Variants in TNS3 observed in about 807,000 individuals in gnomAD.
TNS3 encodes tensin 3, also known as tensin-3.
A neutral mutation model predicts 140.9 loss-of-function variants in TNS3; 45 were observed. The observed-to-expected ratio is 0.32, with a 90% confidence interval of 0.25 to 0.41. The LOEUF (loss-of-function observed/expected upper bound fraction) is 0.41, where lower values mean the gene tolerates loss of function less well. Ranked by LOEUF, TNS3 falls within the 10% of genes least tolerant of loss-of-function variation. The pLI, the probability that TNS3 is intolerant of heterozygous loss-of-function variation, is 1.00. For missense variants in TNS3, 1,716 were observed against 1,906.7 expected, an observed-to-expected ratio of 0.90 and a Z score of 1.86; for synonymous variants, 815 against 788.4, an observed-to-expected ratio of 1.03 and a Z score of -0.56.
At chr7:47,569,080 T>C (rs755708711) in intron 1 of TNS3, among the ~76,000 whole-genome samples, 5 of 152,162 alleles carry the variant, frequency 3.3e-5, no homozygotes, top group Admixed American at 1.3e-4. Context: ...AACCCAAACA[T>C]CTCTCCAAAA....
intron 17 of TNS3, among the ~76,000 whole-genome samples, chr7:47,355,115 G>T (rs1165056944): frequency 6.6e-6 from 1 of 152,238 alleles, no homozygotes; most frequent in African/African-American, 2.4e-5. Context: ...CCGGCGTCAA[G>T]GACAGATAAG....
At chr7:47,572,767 G>T (rs1276291296) in intron 1 of TNS3, among the ~76,000 whole-genome samples, 1 of 152,070 alleles carries the variant, frequency 6.6e-6, no homozygotes, top group African/African-American at 2.4e-5. Context: ...TCCCAGCTAT[G>T]GAGGCTGAGG....
chr7:47,402,226 G>C (rs1312865870), intron 13 of TNS3, among the ~76,000 whole-genome samples: 1 of 152,134 alleles, frequency 6.6e-6, no homozygotes, highest in East Asian at 1.9e-4. Flanking sequence ...AAAGGGACGG[G>C]TAAATAAACC....
At chr7:47,315,319 G>T in intron 20 of TNS3, among the ~76,000 whole-genome samples, 1 of 152,224 alleles carries the variant, frequency 6.6e-6, no homozygotes, top group East Asian at 1.9e-4. Context: ...GTGCCCTGCG[G>T]GGGTGAGGTG....
intron 17 of TNS3, among the ~76,000 whole-genome samples, chr7:47,366,213 G>C (rs931557646): frequency 2.6e-5 from 4 of 152,118 alleles, no homozygotes; most frequent in Non-Finnish European, 4.4e-5. Flanking sequence ...TTTGTTTAAT[G>C]CATCGACCTG....
chr7:47,418,287 C>T (rs1326547072), intron 10 of TNS3, among the ~76,000 whole-genome samples: 1 of 152,116 alleles, frequency 6.6e-6, no homozygotes, highest in African/African-American at 2.4e-5. Context: ...AGTGACAGAG[C>T]AAGACCCTGT....
In TNS3 at chr7:47,283,775, T is replaced by C; in HGVS notation, c.4019A>G (p.Gln1340Arg). ...IQKALSITLV[Q>R]EPPPVSTVVH... ...AACTGTGGACACAGGTGGAGGCTCCTGGACCAGGGTGATGCTCAGGGCCTT... is the reference window on the plus strand; with the variant it reads ...AACTGTGGACACAGGTGGAGGCTCCCGGACCAGGGTGATGCTCAGGGCCTT... Residue 1340 changes from glutamine to arginine, a missense_variant, in exon 28 of 31, where the codon CAG becomes CGG. By Grantham distance (43) the Gln-to-Arg change is conservative. Transcript: ENST00000311160. 1.2e-6 allele frequency: 2 copies of C among 1,612,594 alleles called. No individual in the cohort carries two copies. The highest frequency in any genetic ancestry group is 1.7e-5 in the Admixed American group (1 of 59,802).
intron 8 of TNS3, among the ~76,000 whole-genome samples, chr7:47,432,857 A>C (rs546669688): frequency 1.4e-4 from 21 of 152,376 alleles, no homozygotes; most frequent in African/African-American, 4.8e-4. Flanking sequence ...CGATAGGCTC[A>C]TGGACTGTTA....
chr7:47,428,767 T>C (rs1794783703), intron 8 of TNS3, among the ~76,000 whole-genome samples: 1 of 152,228 alleles, frequency 6.6e-6, no homozygotes, highest in Non-Finnish European at 1.5e-5. Context: ...GGGCTGACAA[T>C]GATCAGGGCT....
At chr7:47,403,820 A>G (rs1358257651) in intron 13 of TNS3, among the ~76,000 whole-genome samples, 2 of 152,216 alleles carry the variant, frequency 1.3e-5, no homozygotes, top group Non-Finnish European at 2.9e-5. Flanking sequence ...ATCTACATCA[A>G]CAAATCTTTT....
intron 4 of TNS3, among the ~76,000 whole-genome samples, chr7:47,477,772 G>T (rs1167404109): frequency 6.6e-6 from 1 of 152,156 alleles, no homozygotes; most frequent in Non-Finnish European, 1.5e-5. Flanking sequence ...GCCCAGACAG[G>T]ATCAGGAAAG....
rs1202596484 is a variant in TNS3 at position 47,275,951 on chromosome 7, C to T, written c.*2125G>A. 2.3e-6 allele frequency: 1 copy of T among 437,574 alleles called. No homozygotes were observed. The highest frequency in any genetic ancestry group is 2.0e-5 in the African/African-American group (1 of 49,340). 27.1% of individuals were successfully genotyped at this position (437,574 alleles called of 1,614,324 possible). A position where few individuals can be genotyped will look rare whatever the true frequency, so the allele number is the denominator to read the frequency against. ...TAGTTTGCTCTGACTTCTAAATGAG[C>T]TCTCTCATCCTTCATCAGAAGGATA... On this transcript the variant is annotated 3_prime_UTR_variant, in exon 31 of 31. Coordinates refer to ENST00000311160, the MANE Select transcript of TNS3 (RefSeq NM_022748.12).
chr7:47,530,081 G>C (rs543624494), intron 1 of TNS3, among the ~76,000 whole-genome samples: 1 of 152,226 alleles, frequency 6.6e-6, no homozygotes, highest in Admixed American at 6.5e-5. Flanking sequence ...AGAAATAAAA[G>C]CCTATGTCCA....
intron 3 of TNS3, among the ~76,000 whole-genome samples, chr7:47,488,096 A>G (rs2151816216): frequency 6.6e-6 from 1 of 152,352 alleles, no homozygotes; most frequent in East Asian, 1.9e-4. Context: ...CTTCTATTAT[A>G]CCACAGCTTT....
chr7:47,534,785 G>A (rs1377376549), intron 1 of TNS3, among the ~76,000 whole-genome samples: 30 of 152,158 alleles, frequency 2.0e-4, no homozygotes, highest in Admixed American at 2.0e-3. Flanking sequence ...GCAAAAGAAG[G>A]ATAATGATGC....
intron 3 of TNS3, among the ~76,000 whole-genome samples, chr7:47,493,422 G>T (rs931706500): frequency 6.6e-6 from 1 of 152,282 alleles, no homozygotes; most frequent in Admixed American, 6.5e-5. Flanking sequence ...TTCCACAAAG[G>T]TAGGCACCAG....
chr7:47,315,618 G>A (rs942764549), intron 20 of TNS3, among the ~76,000 whole-genome samples: 9 of 152,188 alleles, frequency 5.9e-5, no homozygotes, highest in Admixed American at 2.6e-4. Context: ...AGAAACCCAC[G>A]GGGCTCAGGC....
chr7:47,407,371 G>A lies in TNS3; in HGVS notation c.723+4356C>T, dbSNP rs1326191027. 6.6e-6 allele frequency among the ~76,000 whole-genome samples: 1 copy of A among 152,182 alleles called. No homozygotes were observed. The highest frequency in any genetic ancestry group is 2.4e-5 in the African/African-American group (1 of 41,442). Reference sequence around the variant, plus strand: ...TTCCACCTGCCCTAGCTATCTGCATGCTCATCTCCCTGAAGGACCCAGACT... The same window carrying A: ...TTCCACCTGCCCTAGCTATCTGCATACTCATCTCCCTGAAGGACCCAGACT... On this transcript the variant is annotated intron_variant, in intron 13 of 30. Coordinates refer to ENST00000311160, the MANE Select transcript of TNS3 (RefSeq NM_022748.12). The surrounding 1 kb of genome is among the most constrained non-coding windows in gnomAD (Gnocchi z 4.1).
intron 2 of TNS3, among the ~76,000 whole-genome samples, chr7:47,517,471 C>A (rs1798818635): frequency 6.6e-6 from 1 of 152,244 alleles, no homozygotes; most frequent in African/African-American, 2.4e-5. Context: ...CCACCTCCAA[C>A]AAACCAGATG....
Sources: allele counts gnomAD v4.1 joint callset (sites outside exome capture counted in the v4.1 genomes callset), GRCh38; gene constraint gnomAD v4.1.1; non-coding constraint Gnocchi (gnomAD v3.1); transcripts MANE v1.5; gene names NCBI Gene and HGNC (gene_info 2026-07-23, HGNC 2026-07-21).